TMEM182: variants seen among roughly 807,000 people sequenced by gnomAD.
TMEM182 encodes the protein transmembrane protein 182.
Under a neutral mutation model 26.8 loss-of-function variants are expected in TMEM182, and 20 were observed. The observed-to-expected ratio is 0.75, with a 90% CI of 0.53 to 1.09. TMEM182 has a LOEUF of 1.09. Among genes scored for constraint, TMEM182 ranks in the 50% least tolerant of loss-of-function variants. The pLI is 0.00. For missense variants in TMEM182, 277 were observed against 275.5 expected (o/e 1.01, Z -0.04); for synonymous variants, 109 against 102.2 (o/e 1.07, Z -0.40).
intron 3 of TMEM182, among the ~76,000 whole-genome samples, chr2:102,841,154 G>C (rs1380885720): frequency 1.3e-5 from 2 of 152,152 alleles, no homozygotes; most frequent in East Asian, 3.9e-4. Flanking sequence ...TGGAAAGAGG[G>C]CAACTGAGGC....
chr2:102,832,493 A>G (rs150781278), intron 3 of TMEM182, among the ~76,000 whole-genome samples: 61 of 152,342 alleles, frequency 4.0e-4, no homozygotes, highest in African/African-American at 1.4e-3. Flanking sequence ...AGGATGTCTG[A>G]GCCAGAGGCA....
chr2:102,771,006 C>A (rs1420499986), intron 3 of TMEM182, among the ~76,000 whole-genome samples: 1 of 152,298 alleles, frequency 6.6e-6, no homozygotes, highest in Middle Eastern at 3.4e-3. Flanking sequence ...CCACCTCTGG[C>A]TTGCAGATCG....
At chr2:102,780,222 AT>A (rs1681110776) in intron 3 of TMEM182, among the ~76,000 whole-genome samples, 2 of 152,198 alleles carry the variant, frequency 1.3e-5, no homozygotes, top group South Asian at 4.1e-4. Context: ...CTTTCTGAAT[AT>A]TATAAGACTA....
At chr2:102,746,125 C>T (rs1487896753) in intron 1 of TMEM182, among the ~76,000 whole-genome samples, 1 of 152,152 alleles carries the variant, frequency 6.6e-6, no homozygotes, top group Admixed American at 6.5e-5. Context: ...TGGATTATAG[C>T]ACATTCTAGT....
At chr2:102,793,897 A>C (rs980575702) in intron 3 of TMEM182, among the ~76,000 whole-genome samples, 1 of 152,054 alleles carries the variant, frequency 6.6e-6, no homozygotes, top group Non-Finnish European at 1.5e-5. Flanking sequence ...TGATAATGCA[A>C]TCTTGATAAT....
intron 3 of TMEM182, among the ~76,000 whole-genome samples, chr2:102,766,105 G>A (rs553119033): frequency 1.1e-4 from 16 of 152,166 alleles, no homozygotes; most frequent in Admixed American, 9.8e-4. Context: ...TACTAGTATT[G>A]TTGTTATTCA....
chr2:102,777,925 G>T (rs1203237850), intron 3 of TMEM182, among the ~76,000 whole-genome samples: 1 of 151,680 alleles, frequency 6.6e-6, no homozygotes, highest in Non-Finnish European at 1.5e-5. Context: ...TTTACAGCTT[G>T]GGATATGATC....
chr2:102,815,387 G>T lies in TMEM182; in HGVS notation c.*419G>T. 1 of 996,364 alleles carries T rather than the reference G, an allele frequency of 1.0e-6. No homozygotes were observed. The highest frequency in any genetic ancestry group is 1.7e-5 in the African/African-American group (1 of 57,418). 61.7% of individuals were successfully genotyped at this position (996,364 alleles called of 1,614,324 possible). ...ATTAAGAATGGGCAAGGTTGTCAGA[G>T]AATTTATTTTGTTTCTTGCCCACAC... On this transcript the variant is annotated 3_prime_UTR_variant, in exon 5 of 5. Transcript: ENST00000412401.
intron 1 of TMEM182, among the ~76,000 whole-genome samples, chr2:102,742,266 A>G (rs894357037): frequency 1.3e-5 from 2 of 152,224 alleles, no homozygotes; most frequent in Admixed American, 1.3e-4. Flanking sequence ...ACTCATCAGT[A>G]GATTGGATAT....
intron 1 of TMEM182, among the ~76,000 whole-genome samples, chr2:102,746,429 A>C (rs1417349939): frequency 6.6e-6 from 1 of 152,108 alleles, no homozygotes; most frequent in Non-Finnish European, 1.5e-5. Flanking sequence ...AAATGTTTTT[A>C]ATTTTGATAA....
chr2:102,833,164 G>A (rs1573580189), intron 3 of TMEM182, among the ~76,000 whole-genome samples: 1 of 152,306 alleles, frequency 6.6e-6, no homozygotes, highest in East Asian at 1.9e-4. Context: ...GAGGTTGGAG[G>A]AGGAGTGGTG....
chr2:102,833,776 G>A lies in TMEM182; in HGVS notation c.326-9636G>A, dbSNP rs79127088. Among the ~76,000 whole-genome samples the A allele has an allele frequency of 7.6e-3, 1,152 of 152,314 alleles. 20 individuals carry two copies. The highest frequency in any genetic ancestry group is 0.026 in the African/African-American group (1,085 of 41,562). On this transcript the variant is annotated intron_variant, in intron 3 of 3. Transcript: ENST00000486293. ...GAAACATTTGAAGAGTACTGGTCAA[G>A]GACTTTGTCCAGCATGTCTCATTTA...
At chr2:102,823,345 AT>A (rs1682963399) in intron 3 of TMEM182, among the ~76,000 whole-genome samples, 1 of 151,768 alleles carries the variant, frequency 6.6e-6, no homozygotes, top group African/African-American at 2.4e-5. Flanking sequence ...TTTTATTTTT[AT>A]TTTTTTGATG....
At chr2:102,757,759 A>G (rs1469438816), upstream of TMEM182, among the ~76,000 whole-genome samples, 1 of 152,202 alleles carries the variant, frequency 6.6e-6, no homozygotes, top group Non-Finnish European at 1.5e-5. Context: ...ATTTATGAAG[A>G]AAAAAGGTTT....
intron 3 of TMEM182, among the ~76,000 whole-genome samples, chr2:102,776,396 C>T (rs547468812): frequency 1.3e-4 from 20 of 152,206 alleles, no homozygotes; most frequent in Admixed American, 5.2e-4. Context: ...TTCAGAATGT[C>T]GTATAGTTAA....
chr2:102,756,411 T>TA (rs1680034209), intron 1 of TMEM182, among the ~76,000 whole-genome samples: 2 of 152,122 alleles, frequency 1.3e-5, no homozygotes, highest in Admixed American at 6.6e-5. Context: ...TTTTCCATAT[T>TA]AAAAAACAGA....
upstream of TMEM182, among the ~76,000 whole-genome samples, chr2:102,761,106 A>G (rs550068493): frequency 2.2e-4 from 33 of 152,348 alleles, no homozygotes; most frequent in African/African-American, 7.9e-4. Flanking sequence ...TATAAAAACA[A>G]TAACCAAAGG....
chr2:102,831,299 C>T (rs1350776957), intron 3 of TMEM182, among the ~76,000 whole-genome samples: 1 of 152,218 alleles, frequency 6.6e-6, no homozygotes, highest in East Asian at 1.9e-4. Flanking sequence ...TTTGCATTCC[C>T]ACTGACAGTG....
At chr2:102,741,724 G>A (rs182320532) in intron 1 of TMEM182, among the ~76,000 whole-genome samples, 1 of 152,124 alleles carries the variant, frequency 6.6e-6, no homozygotes, top group Non-Finnish European at 1.5e-5. Flanking sequence ...TATTAACAAG[G>A]TTCCAGTATA....
Sources: gnomAD v4.1 joint callset for allele counts (sites outside exome capture counted in the v4.1 genomes callset) on GRCh38, gnomAD v4.1.1 for gene constraint, MANE v1.5 for transcripts, NCBI Gene and HGNC (gene_info 2026-07-23, HGNC 2026-07-21) for gene names.